The following CIT variants were observed in gnomAD, a reference collection of about 807,000 sequenced individuals.
CIT encodes the protein citron Rho-interacting kinase.
A neutral mutation model predicts 272.7 loss-of-function variants in CIT; 79 were observed. The observed-to-expected ratio is 0.29, with a 90% CI of 0.24 to 0.35. The LOEUF is 0.35. Among genes scored for constraint, CIT ranks in the 10% least tolerant of loss-of-function variants. CIT has a pLI of 1.00. For synonymous variants in CIT, 948 were observed against 995.6 expected (o/e 0.95, Z 0.90); for missense variants, 1,909 against 2,618.3 (o/e 0.73, Z 5.91).
Position 119,798,336 on chromosome 12 carries a change from G to A in CIT, c.1295+4870C>T, listed in dbSNP as rs203341. Among the ~76,000 whole-genome samples the A allele has an allele frequency of 8.1e-3, 1,234 of 152,236 alleles. 16 individuals are homozygous for A. The highest frequency in any genetic ancestry group is 0.028 in the African/African-American group (1,169 of 41,544). On this transcript the variant is annotated intron_variant, in intron 10 of 47. Transcript: ENST00000392521. Reference sequence around the variant, plus strand: ...CCCACACAAATTTCCCATCTGTGGCGTTTATACCCACAGGGTTCAAATCTC... The same window carrying A: ...CCCACACAAATTTCCCATCTGTGGCATTTATACCCACAGGGTTCAAATCTC...
chr12:119,787,113 C>A (rs893482497), intron 10 of CIT, among the ~76,000 whole-genome samples: 1 of 152,034 alleles, frequency 6.6e-6, no homozygotes, highest in Non-Finnish European at 1.5e-5. Context: ...TACAGGCACG[C>A]ACCACCACAC....
intron 10 of CIT, among the ~76,000 whole-genome samples, chr12:119,800,686 C>T (rs903346652): frequency 1.3e-5 from 2 of 152,136 alleles, no homozygotes; most frequent in Admixed American, 1.3e-4. Flanking sequence ...ACCTGTGATG[C>T]TGAAAACGGT....
intron 9 of CIT, among the ~76,000 whole-genome samples, chr12:119,818,407 C>A (rs1967393310): frequency 6.6e-6 from 1 of 152,218 alleles, no homozygotes; most frequent in African/African-American, 2.4e-5. Context: ...GAATCCCTAT[C>A]CCCCAAACCA....
In CIT at chr12:119,796,155, G is replaced by A. The variant is rs1429666820; in HGVS notation, c.1295+7051C>T. Among the ~76,000 whole-genome samples, 3 of 152,212 alleles carry A rather than the reference G, an allele frequency of 2.0e-5. No homozygotes were observed. The East Asian group carries it at 5.8e-4, about 29-fold the overall frequency. On this transcript the variant is annotated intron_variant, in intron 10 of 47. Coordinates refer to ENST00000392521, the MANE Select transcript of CIT (RefSeq NM_001206999.2). ...GCAGGCTGGGGTCTTGGCATACCAAGACTGAATACCAAGTTCAGGAGCAGC... is the reference window on the plus strand; with the variant it reads ...GCAGGCTGGGGTCTTGGCATACCAAAACTGAATACCAAGTTCAGGAGCAGC...
At chr12:119,722,715 C>T (rs1957863376) in intron 28 of CIT, among the ~76,000 whole-genome samples, 1 of 152,208 alleles carries the variant, frequency 6.6e-6, no homozygotes, top group Admixed American at 6.5e-5. Flanking sequence ...GGTATACTAG[C>T]TTGCCTCATT....
chr12:119,807,887 C>T (rs1196697052), intron 9 of CIT, among the ~76,000 whole-genome samples: 3 of 149,026 alleles, frequency 2.0e-5, no homozygotes, highest in Non-Finnish European at 4.4e-5. Flanking sequence ...TGGGAAAAGC[C>T]ACTAAAAAAA....
chr12:119,876,214 T>C (rs1320568264), intron 1 of CIT, 33 bp from the exon 2 acceptor site: 1 of 1,436,004 alleles, frequency 7.0e-7, no homozygotes, highest in Admixed American at 1.7e-5. Flanking sequence ...AAGTGTGTCC[T>C]ATGTTTTGAG....
Position 119,776,371 on chromosome 12 carries a change from G to A in CIT, c.1874C>T (p.Ala625Val), listed in dbSNP as rs750621299. ...TGGAAAGTATACCTTCTCCAGTTTC[G>A]CATATTCTCCCACTTCAGGCTTCCC... ...DQGKPEVGEY[A>V]KLEKINAEQQ... The change falls in exon 15 of 48, where the codon GCG becomes GTG. Residue 625 changes from alanine (A) to valine (V), a missense_variant. Physicochemically the swap from Ala to Val is moderately conservative, Grantham distance 64 (BLOSUM62 0). This residue lies in a region of CIT where 530 missense variants were observed against 822.4 expected (regional missense o/e 0.64). Transcript: ENST00000392521. 40 of 1,612,802 alleles carry A rather than the reference G, an allele frequency of 2.5e-5. No homozygotes were observed. Among genetic ancestry groups the A allele is most frequent in the South Asian group, 3.3e-5 (3 of 91,024 alleles).
At chr12:119,717,838 C>CTTTTTTTCTTTTTTTTTT (rs1957601307) in intron 32 of CIT, among the ~76,000 whole-genome samples, 1 of 81,332 alleles carries the variant, frequency 1.2e-5, no homozygotes. Flanking sequence ...TGACTTCTTT[C>CTTTTTTTCTTTTTTTTTT]TTTTTTTTTT....
chr12:119,771,560 C>T (rs1963154080), intron 17 of CIT, among the ~76,000 whole-genome samples: 1 of 152,120 alleles, frequency 6.6e-6, no homozygotes, highest in Non-Finnish European at 1.5e-5. Flanking sequence ...TTGAGGGTTT[C>T]AGGTACCAGG....
At chr12:119,738,228 A>T (rs2075873924) in intron 24 of CIT, among the ~76,000 whole-genome samples, 1 of 152,182 alleles carries the variant, frequency 6.6e-6, no homozygotes, top group South Asian at 2.1e-4. Context: ...AGAAGTGTTT[A>T]TTCACTTTTT....
intron 5 of CIT, among the ~76,000 whole-genome samples, chr12:119,836,417 G>A (rs1053194753): frequency 2.0e-5 from 3 of 151,466 alleles, no homozygotes; most frequent in Non-Finnish European, 4.4e-5. Context: ...AGTCCTCGAG[G>A]AGCCCACAGG....
intron 46 of CIT, among the ~76,000 whole-genome samples, chr12:119,691,978 T>C (rs1278139505): frequency 6.6e-6 from 1 of 152,260 alleles, no homozygotes; most frequent in Non-Finnish European, 1.5e-5. Context: ...ATGCTAGATA[T>C]TTTTAGTATT....
At chr12:119,822,452 G>T (rs1258619490) in intron 9 of CIT, among the ~76,000 whole-genome samples, 2 of 152,210 alleles carry the variant, frequency 1.3e-5, no homozygotes, top group African/African-American at 4.8e-5. Context: ...TGGGCATGTT[G>T]CCTAATCTGA....
At chr12:119,769,478 TTGAA>T (rs1396159775) in intron 18 of CIT, among the ~76,000 whole-genome samples, 1 of 152,204 alleles carries the variant, frequency 6.6e-6, no homozygotes, top group Admixed American at 6.5e-5. Context: ...TAAATATTTG[TTGAA>T]TGAATGAATG....
At chr12:119,721,471 G>C (rs752702643) in intron 28 of CIT, 22 bp from the exon 29 acceptor site, 1 of 1,593,986 alleles carries the variant, frequency 6.3e-7, no homozygotes, top group East Asian at 2.3e-5. Context: ...AAGGGCCAGG[G>C]AAATGCTTGA....
intron 3 of CIT, among the ~76,000 whole-genome samples, chr12:119,858,598 A>C (rs1593978533): frequency 6.6e-6 from 1 of 151,964 alleles, no homozygotes; most frequent in Admixed American, 6.6e-5. Context: ...AAGCGGGTGG[A>C]TCACAAGGTC....
chr12:119,859,513 T>G (rs1340432419), intron 3 of CIT, among the ~76,000 whole-genome samples: 1 of 151,464 alleles, frequency 6.6e-6, no homozygotes. Context: ...TTTTCTTAGT[T>G]TTTTTTTTAA....
intron 28 of CIT, among the ~76,000 whole-genome samples, chr12:119,724,353 T>C (rs538350551): frequency 6.6e-6 from 1 of 152,320 alleles, no homozygotes; most frequent in South Asian, 2.1e-4. Context: ...CCCATTTTGG[T>C]TGGAGATATC....
Sources: gnomAD v4.1 joint callset for allele counts (sites outside exome capture counted in the v4.1 genomes callset) on GRCh38, gnomAD v4.1.1 for gene constraint, gnomAD v4.1.1 regional missense constraint, MANE v1.5 for transcripts, NCBI Gene and HGNC (gene_info 2026-07-23, HGNC 2026-07-21) for gene names.